H2BC4: variants seen among roughly 807,000 people sequenced by gnomAD.
H2BC4 encodes H2B clustered histone 4.
H2BC4 carries 10 observed loss-of-function variants against 6.2 expected under a neutral mutation model. The ratio of observed to expected loss-of-function variants is 1.61; its 90% CI spans 0.99 to 2.73. H2BC4 has a LOEUF of 2.73. Ranked by LOEUF, H2BC4 falls within the 30% of genes most tolerant of loss-of-function variation. The probability of loss-of-function intolerance (pLI) is 0.00; values close to 1 mark genes in which losing one functional copy is unlikely to be tolerated. For synonymous variants in H2BC4, 146 were observed against 70.7 expected (o/e 2.07, Z -5.35); for missense variants, 176 against 168.7 (o/e 1.04, Z -0.24).
In H2BC4 at chr6:26,123,636, A is replaced by AT. The variant is rs1169037612; in HGVS notation, c.268dup (p.Ile90AsnfsTer48). On this transcript the variant is annotated frameshift_variant, in exon 1 of 1. Transcript: ENST00000396984. LOFTEE classifies it high-confidence loss of function. ...GGCCGTCTGGATCTCCCTGGAGGTG[A>AT]TGGTCGAGCGCTTGTTGTAATGCGC... The AT allele has an allele frequency of 3.7e-6, 6 of 1,614,112 alleles. No homozygotes were observed. The highest frequency in any genetic ancestry group is 5.1e-6 in the Non-Finnish European group (6 of 1,180,052).
downstream of H2BC4, chr6:26,123,275 C>T: frequency 1.6e-6 from 1 of 633,304 alleles, no homozygotes; most frequent in Non-Finnish European, 2.5e-6. Flanking sequence ...CCGCTTGTCT[C>T]CATTTTAAAT....
downstream of H2BC4, among the ~76,000 whole-genome samples, chr6:26,119,738 GC>G (rs1419808539): frequency 6.6e-6 from 1 of 151,182 alleles, no homozygotes; most frequent in Non-Finnish European, 1.5e-5. Context: ...ATAATATTCT[GC>G]TAATATTATT....
At position 26,123,737 on chromosome 6, in the gene H2BC4, A is replaced by G; in HGVS notation, c.168T>C (p.Ser56=). 6.2e-7 allele frequency: 1 copy of G among 1,614,256 alleles called. No homozygotes were observed. Among genetic ancestry groups the G allele is most frequent in the Non-Finnish European group, 8.5e-7 (1 of 1,180,044 alleles). The stretch of plus-strand genomic sequence containing the variant: ...AATTCATGATGCCCATGGCCTTGGA[A>G]GAGATGCCAGTGTCGGGATGGACCT... ...LKQVHPDTGI[S]SKAMGIMNSF... Residue 56 remains serine (S), a synonymous_variant, in exon 1 of 1, where the codon TCT becomes TCC. Coordinates refer to ENST00000396984, the MANE Select transcript of H2BC4 (RefSeq NM_003526.3).
downstream of H2BC4, among the ~76,000 whole-genome samples, chr6:26,121,051 G>A (rs1763490550): frequency 6.6e-6 from 1 of 152,062 alleles, no homozygotes; most frequent in Non-Finnish European, 1.5e-5. Context: ...TGCAGATATC[G>A]ACAACTATTT....
At chr6:26,122,456 C>G (rs1351678134), downstream of H2BC4, among the ~76,000 whole-genome samples, 1 of 152,256 alleles carries the variant, frequency 6.6e-6, no homozygotes, top group East Asian at 1.9e-4. Context: ...AAAATCTTTA[C>G]CTGGAAAAGA....
chr6:26,118,960 C>T (rs1448029557), downstream of H2BC4, among the ~76,000 whole-genome samples: 2 of 151,780 alleles, frequency 1.3e-5, no homozygotes, highest in African/African-American at 4.8e-5. Flanking sequence ...AGATTGAAGT[C>T]TTATTTTAGA....
At chr6:26,116,165 C>T (rs1763416625) in intron 1 of H2BC4, among the ~76,000 whole-genome samples, 1 of 152,092 alleles carries the variant, frequency 6.6e-6, no homozygotes, top group Non-Finnish European at 1.5e-5. Flanking sequence ...AGGTAGCCTC[C>T]TCTACATAGG....
At chr6:26,122,519 C>G (rs1763514300), downstream of H2BC4, among the ~76,000 whole-genome samples, 1 of 152,124 alleles carries the variant, frequency 6.6e-6, no homozygotes, top group Admixed American at 6.5e-5. Context: ...ACAAAGCGGC[C>G]TGCAGTTGTC....
chr6:26,118,991 G>C (rs145583623), downstream of H2BC4, among the ~76,000 whole-genome samples: 9 of 151,848 alleles, frequency 5.9e-5, no homozygotes, highest in African/African-American at 2.2e-4. Context: ...ATAGTAAATT[G>C]AATGTACCAC....
downstream of H2BC4, among the ~76,000 whole-genome samples, chr6:26,119,449 C>T (rs1255792441): frequency 6.6e-6 from 1 of 152,132 alleles, no homozygotes. Flanking sequence ...ATAATATTCA[C>T]CTAAATTCTT....
downstream of H2BC4, chr6:26,123,361 C>G (rs1243920138): frequency 3.3e-5 from 42 of 1,273,648 alleles, no homozygotes; most frequent in Non-Finnish European, 4.4e-5. Context: ...TTGTCCCTCT[C>G]TAAGCTGCAA....
chr6:26,123,378 T>TC (rs1581412872), downstream of H2BC4: 2 of 1,369,880 alleles, frequency 1.5e-6, no homozygotes, highest in East Asian at 2.4e-5. Flanking sequence ...GCAACACTTG[T>TC]CCCCACCCCT....
downstream of H2BC4, chr6:26,123,358 T>C: frequency 1.6e-6 from 2 of 1,239,558 alleles, no homozygotes; most frequent in Non-Finnish European, 1.1e-6. Context: ...CCTTTGTCCC[T>C]CTCTAAGCTG....
chr6:26,114,802 A>G (rs1763399020), downstream of H2BC4: 1 of 151,880 alleles, frequency 6.6e-6, no homozygotes, highest in African/African-American at 2.4e-5. Context: ...TTTATTTTAT[A>G]TATGATACAT....
chr6:26,117,122 A>AT (rs1429673580), intron 1 of H2BC4, among the ~76,000 whole-genome samples: 1 of 152,068 alleles, frequency 6.6e-6, no homozygotes, highest in Non-Finnish European at 1.5e-5. Context: ...AAAAAAGTGT[A>AT]TTTTTTCTCA....
At chr6:26,118,874 T>C (rs1401018357), downstream of H2BC4, among the ~76,000 whole-genome samples, 1 of 152,180 alleles carries the variant, frequency 6.6e-6, no homozygotes, top group Non-Finnish European at 1.5e-5. Flanking sequence ...TCCAGCATTG[T>C]TATAATGTTG....
At chr6:26,113,529 A>G (rs1763385409), downstream of H2BC4, among the ~76,000 whole-genome samples, 1 of 152,184 alleles carries the variant, frequency 6.6e-6, no homozygotes, top group South Asian at 2.1e-4. Flanking sequence ...TGGATTGAGG[A>G]GAACAAGGTC....
chr6:26,122,051 C>A, downstream of H2BC4, among the ~76,000 whole-genome samples: 1 of 62,436 alleles, frequency 1.6e-5, no homozygotes, highest in Admixed American at 1.6e-4. Context: ...GAAACTTCGT[C>A]TCAAAAAAAA....
chr6:26,114,690 G>A (rs148245951), downstream of H2BC4, among the ~76,000 whole-genome samples: 427 of 151,934 alleles, frequency 2.8e-3, 9 homozygotes, highest in Admixed American at 0.026. Flanking sequence ...ATCAATTGAA[G>A]TAGTCAATAA....
Sources: allele counts gnomAD v4.1 joint callset (sites outside exome capture counted in the v4.1 genomes callset), GRCh38; gene constraint gnomAD v4.1.1; transcripts MANE v1.5; gene names NCBI Gene and HGNC (gene_info 2026-07-23, HGNC 2026-07-21).